The following ASTN2 variants were observed in gnomAD, a reference collection of about 807,000 sequenced individuals.
The protein encoded by ASTN2 is astrotactin-2.
Under a neutral mutation model 139.8 loss-of-function variants are expected in ASTN2, and 54 were observed. That is an observed-to-expected ratio of 0.39 (90% confidence interval 0.31 to 0.48). The LOEUF (loss-of-function observed/expected upper bound fraction) is 0.48. Ranked by LOEUF, ASTN2 falls within the 20% of genes least tolerant of loss-of-function variation. The pLI is 0.95. For synonymous variants in ASTN2, 756 were observed against 719.5 expected, an observed-to-expected ratio of 1.05 and a Z score of -0.81; for missense variants, 1,565 against 1,725.1, an observed-to-expected ratio of 0.91 and a Z score of 1.64.
At chr9:117,218,054 G>C (rs1832390274) in intron 2 of ASTN2, among the ~76,000 whole-genome samples, 1 of 152,210 alleles carries the variant, frequency 6.6e-6, no homozygotes, top group South Asian at 2.1e-4. Flanking sequence ...ACCATGCTCG[G>C]AGTGGAGAAG....
intron 3 of ASTN2, among the ~76,000 whole-genome samples, chr9:117,169,081 C>T (rs531672038): frequency 2.0e-5 from 3 of 151,930 alleles, no homozygotes; most frequent in South Asian, 4.1e-4. Context: ...AATCACTACG[C>T]AGAAATCATG....
chr9:117,310,908 T>C (rs1220458641), intron 1 of ASTN2, among the ~76,000 whole-genome samples: 3 of 152,198 alleles, frequency 2.0e-5, no homozygotes, highest in Non-Finnish European at 4.4e-5. Flanking sequence ...CATGAGCCAC[T>C]GTACTCTGCC....
At chr9:116,462,505 G>A (rs1282221415) in intron 20 of ASTN2, among the ~76,000 whole-genome samples, 2 of 152,110 alleles carry the variant, frequency 1.3e-5, no homozygotes, top group African/African-American at 4.8e-5. Context: ...ACAGAGAAAG[G>A]AGAATTTCTT....
At chr9:116,490,335 G>A (rs1275874680) in intron 19 of ASTN2, among the ~76,000 whole-genome samples, 1 of 146,434 alleles carries the variant, frequency 6.8e-6, no homozygotes, top group Non-Finnish European at 1.5e-5. Context: ...GAGGGTAGGG[G>A]AGAGAAAAGA....
chr9:116,651,319 G>C (rs906122281), intron 17 of ASTN2, among the ~76,000 whole-genome samples: 8 of 152,160 alleles, frequency 5.3e-5, no homozygotes, highest in Non-Finnish European at 8.8e-5. Context: ...AAGCCACTGA[G>C]ATTTAAGGGT....
chr9:117,128,637 C>T (rs780159328), intron 4 of ASTN2, among the ~76,000 whole-genome samples: 6 of 152,158 alleles, frequency 3.9e-5, no homozygotes, highest in Non-Finnish European at 5.9e-5. Context: ...CAAAGTTAAA[C>T]TATAAACTAA....
At chr9:116,840,567 A>G (rs1832200503) in intron 11 of ASTN2, among the ~76,000 whole-genome samples, 1 of 107,884 alleles carries the variant, frequency 9.3e-6, no homozygotes, top group Non-Finnish European at 1.9e-5. Flanking sequence ...TGACCCCCCC[A>G]CCTCCCTCCC....
intron 5 of ASTN2, among the ~76,000 whole-genome samples, chr9:117,044,080 A>G (rs561674778): frequency 1.3e-5 from 2 of 152,282 alleles, no homozygotes; most frequent in East Asian, 3.9e-4. Flanking sequence ...TCTAATGCCA[A>G]GCAAAGATTT....
chr9:116,729,053 C>T lies in ASTN2; in HGVS notation c.2565G>A (p.Gln855=). The change falls in exon 15 of 23, where the codon CAG becomes CAA. Residue 855 remains glutamine (Q), a synonymous_variant. Coordinates refer to ENST00000313400, the MANE Select transcript of ASTN2 (RefSeq NM_001365068.1). ...AGAGGTTGCTCCGGACCCGCCACTGCTGCACCATGGGGTAACCCATGGCCT... is the reference window on the plus strand; with the variant it reads ...AGAGGTTGCTCCGGACCCGCCACTGTTGCACCATGGGGTAACCCATGGCCT... ...YDEAMGYPMV[Q]QWRVRSNLYR... 1 of 1,599,212 alleles carries T rather than the reference C, an allele frequency of 6.3e-7. No homozygotes were observed.
At chr9:116,611,847 T>G (rs1855555435) in intron 19 of ASTN2, 1 of 152,156 alleles carries the variant, frequency 6.6e-6, no homozygotes. Flanking sequence ...CTATCAATTT[T>G]AACCACAGTG....
intron 2 of ASTN2, among the ~76,000 whole-genome samples, chr9:117,237,939 T>C (rs1429662049): frequency 6.6e-6 from 1 of 152,160 alleles, no homozygotes; most frequent in African/African-American, 2.4e-5. Flanking sequence ...GCTGCTGCTC[T>C]CAGGCTAGCT....
intron 5 of ASTN2, among the ~76,000 whole-genome samples, chr9:117,070,994 C>G (rs1334630864): frequency 6.7e-6 from 1 of 148,536 alleles, no homozygotes; most frequent in Non-Finnish European, 1.5e-5. Flanking sequence ...TCATCTGAAG[C>G]CTTCTTCTCT....
At chr9:116,684,504 T>C (rs1022584629) in intron 16 of ASTN2, among the ~76,000 whole-genome samples, 11 of 152,198 alleles carry the variant, frequency 7.2e-5, no homozygotes, top group Non-Finnish European at 1.5e-4. Flanking sequence ...GCTTTTAAAA[T>C]TGAGTATTGT....
At chr9:117,152,518 G>A (rs1422865680) in intron 3 of ASTN2, among the ~76,000 whole-genome samples, 1 of 152,154 alleles carries the variant, frequency 6.6e-6, no homozygotes, top group Non-Finnish European at 1.5e-5. Flanking sequence ...ATGGTCTTCT[G>A]TCTGCTCTCA....
intron 16 of ASTN2, among the ~76,000 whole-genome samples, chr9:116,710,652 G>A (rs1223270260): frequency 2.1e-5 from 3 of 145,334 alleles, no homozygotes; most frequent in Admixed American, 7.3e-5. Flanking sequence ...AGAATCACTC[G>A]AGCCCAGGAG....
intron 3 of ASTN2, among the ~76,000 whole-genome samples, chr9:117,170,660 G>A (rs952073676): frequency 2.6e-5 from 4 of 152,122 alleles, no homozygotes; most frequent in Non-Finnish European, 5.9e-5. Context: ...TGTATGCAGA[G>A]ACTGAAGAGG....
intron 10 of ASTN2, among the ~76,000 whole-genome samples, chr9:116,920,002 A>T (rs1241683993): frequency 6.6e-6 from 1 of 151,878 alleles, no homozygotes; most frequent in African/African-American, 2.4e-5. Context: ...TCATCAGTTC[A>T]TGGCTGACAG....
intron 10 of ASTN2, among the ~76,000 whole-genome samples, chr9:116,904,135 G>A (rs1468111476): frequency 6.6e-6 from 1 of 152,186 alleles, no homozygotes; most frequent in East Asian, 1.9e-4. Context: ...AACTGCACAT[G>A]GGTGAGGACA....
chr9:116,650,267 G>A (rs766673945), intron 17 of ASTN2, among the ~76,000 whole-genome samples: 16 of 152,206 alleles, frequency 1.1e-4, no homozygotes, highest in African/African-American at 3.9e-4. Flanking sequence ...TATGGATTGA[G>A]GTTCAAGAAA....
Sources: allele counts gnomAD v4.1 joint callset (sites outside exome capture counted in the v4.1 genomes callset), GRCh38; gene constraint gnomAD v4.1.1; transcripts MANE v1.5; gene names NCBI Gene and HGNC (gene_info 2026-07-23, HGNC 2026-07-21).